Variants in AHI1 observed in about 807,000 individuals in gnomAD.
The protein encoded by AHI1 is jouberin.
In AHI1, 123 loss-of-function variants were observed where a neutral mutation model predicts 149.3. The ratio of observed to expected loss-of-function variants is 0.82; its 90% confidence interval spans 0.71 to 0.96. The LOEUF (loss-of-function observed/expected upper bound fraction) is 0.96, where lower values mean the gene tolerates loss of function less well. Among genes scored for constraint, AHI1 ranks in the 40% least tolerant of loss-of-function variants. AHI1 has a pLI of 0.00. For missense variants in AHI1, 1,439 were observed against 1,422.7 expected (o/e 1.01, Z -0.18); for synonymous variants, 475 against 459.8 (o/e 1.03, Z -0.42).
chr6:135,333,355 T>C (rs1236668517), intron 24 of AHI1, among the ~76,000 whole-genome samples: 2 of 152,218 alleles, frequency 1.3e-5, no homozygotes, highest in Non-Finnish European at 2.9e-5. Context: ...ACACTAGGAC[T>C]ATATTTTATT....
At chr6:135,300,705 A>G (rs2128351248) in intron 26 of AHI1, 147 bp from the exon 27 acceptor site, 1 of 1,386,112 alleles carries the variant, frequency 7.2e-7, no homozygotes, top group Middle Eastern at 1.9e-4. Context: ...TGTCCTGAAC[A>G]TATATTGTCT....
intron 20 of AHI1, among the ~76,000 whole-genome samples, chr6:135,424,133 G>A (rs1476998348): frequency 6.6e-6 from 1 of 151,894 alleles, no homozygotes; most frequent in African/African-American, 2.4e-5. Flanking sequence ...TTAGAAACTA[G>A]TATTTCAAGA....
chr6:135,417,889 T>G (rs1360175352), intron 20 of AHI1, among the ~76,000 whole-genome samples: 2 of 152,066 alleles, frequency 1.3e-5, no homozygotes, highest in Admixed American at 1.3e-4. Flanking sequence ...TCAGACTATA[T>G]AGATTTCATT....
At chr6:135,309,846 T>C (rs1056706456) in intron 26 of AHI1, among the ~76,000 whole-genome samples, 11 of 152,270 alleles carry the variant, frequency 7.2e-5, no homozygotes, top group African/African-American at 2.4e-4. Context: ...ATCCTTGATA[T>C]ATACAAAGTT....
chr6:135,341,544 G>A (rs145649780), intron 24 of AHI1, among the ~76,000 whole-genome samples: 8 of 152,048 alleles, frequency 5.3e-5, no homozygotes, highest in African/African-American at 1.9e-4. Flanking sequence ...CTTGTCCACA[G>A]AACATTCTCT....
At chr6:135,324,542 T>TTATATATA (rs890509105) in intron 24 of AHI1, among the ~76,000 whole-genome samples, 2 of 103,496 alleles carry the variant, frequency 1.9e-5, no homozygotes, top group African/African-American at 9.3e-5. Context: ...ACATATATAG[T>TTATATATA]TATATATACA....
intron 5 of AHI1, 118 bp from the exon 6 acceptor site, chr6:135,467,752 T>G (rs1380929582): frequency 1.6e-6 from 1 of 628,854 alleles, no homozygotes; most frequent in East Asian, 2.9e-5. Flanking sequence ...TTTTTTTACC[T>G]GGACATAGTG....
At chr6:135,380,871 A>G (rs1369153837) in intron 23 of AHI1, among the ~76,000 whole-genome samples, 5 of 152,026 alleles carry the variant, frequency 3.3e-5, no homozygotes, top group African/African-American at 1.2e-4. Context: ...TCTTTCCATA[A>G]AAGAGACATT....
rs370392354 is a variant in AHI1, at chr6:135,465,834, G to A, written c.729C>T (p.Val243=). The A allele has an allele frequency of 5.0e-5, 74 of 1,478,510 alleles. No homozygotes were observed. The African/African-American group carries it at 9.2e-4, about 18-fold the overall frequency. The allele number at this position is 1,478,510 out of a possible 1,614,324, so 91.6% of individuals were successfully genotyped here. A position where few individuals can be genotyped will look rare whatever the true frequency, so the allele number is the denominator to read the frequency against. The part of the protein sequence containing the change: ...EKRKKKKEVP[V]FSKAETSTLT... ...AATACCTTGTTTCAGCTTTAGAGAA[G>A]ACTGGAACTTCCTTTTTCTTTTTCC... Residue 243 remains valine, a synonymous_variant, in exon 7 of 29, where the codon GTC becomes GTT. Coordinates refer to ENST00000265602, the MANE Select transcript of AHI1 (RefSeq NM_001134831.2).
chr6:135,471,090 A>G (rs1426764843), intron 5 of AHI1, among the ~76,000 whole-genome samples: 1 of 152,188 alleles, frequency 6.6e-6, no homozygotes, highest in Non-Finnish European at 1.5e-5. Flanking sequence ...ATATATACAA[A>G]TTGTGAGGAT....
At chr6:135,419,137 TA>T (rs1782791161) in intron 20 of AHI1, among the ~76,000 whole-genome samples, 1 of 152,024 alleles carries the variant, frequency 6.6e-6, no homozygotes, top group South Asian at 2.1e-4. Flanking sequence ...TTTGAAGTAT[TA>T]CTAATAAAAC....
chr6:135,285,476 A>G lies in AHI1; in HGVS notation c.*169T>C. 1.4e-6 allele frequency: 1 copy of G among 723,766 alleles called. No homozygotes were observed. Among genetic ancestry groups the G allele is most frequent in the South Asian group, 1.7e-5 (1 of 59,072 alleles). The allele number at this position is 723,766 out of a possible 1,614,324, so 44.8% of individuals were successfully genotyped here. A position where few individuals can be genotyped will look rare whatever the true frequency, so the allele number is the denominator to read the frequency against. ...ACTCAAAGGCCACGTTGATTTTTCC[A>G]CCCACAACTTGATTCTGATTTTTCT... On this transcript the variant is annotated 3_prime_UTR_variant, in exon 29 of 29. Coordinates refer to ENST00000265602, the MANE Select transcript of AHI1 (RefSeq NM_001134831.2).
intron 24 of AHI1, among the ~76,000 whole-genome samples, chr6:135,337,770 G>GAAAA (rs59397034): frequency 5.0e-5 from 6 of 121,014 alleles, no homozygotes; most frequent in African/African-American, 1.8e-4. Flanking sequence ...GTCTCAAAAA[G>GAAAA]AAAAAAAAAA....
At chr6:135,448,007 A>G (rs1356596244) in intron 12 of AHI1, among the ~76,000 whole-genome samples, 1 of 152,220 alleles carries the variant, frequency 6.6e-6, no homozygotes, top group Non-Finnish European at 1.5e-5. Flanking sequence ...GGCCCTTTAC[A>G]GAAACTATTT....
intron 24 of AHI1, among the ~76,000 whole-genome samples, chr6:135,340,667 A>ATATG (rs1790198396): frequency 1.7e-5 from 2 of 115,770 alleles, no homozygotes; most frequent in African/African-American, 4.1e-5. Flanking sequence ...ACATATATAT[A>ATATG]TATATATATA....
Position 135,411,480 on chromosome 6 carries a change from G to T in AHI1, c.2829C>A (p.His943Gln). The change falls in exon 21 of 29, where the codon CAC becomes CAA. Residue 943 changes from histidine (H) to glutamine (Q), a missense_variant. Physicochemically the swap from His to Gln is conservative, Grantham distance 24. Coordinates refer to ENST00000265602, the MANE Select transcript of AHI1 (RefSeq NM_001134831.2). ...AGGTACATAGGGCATCTTGACTTTG[G>T]TGTATTCCAGGTAATGGAAATGTTC... ...YNGTFPLPGI[H>Q]QSQDALCTCP... is the part of the protein sequence containing the mutation. The T allele has an allele frequency of 6.2e-7, 1 of 1,613,032 alleles. No homozygotes were observed. Among genetic ancestry groups the T allele is most frequent in the Admixed American group, 1.7e-5 (1 of 59,946 alleles).
intron 24 of AHI1, among the ~76,000 whole-genome samples, chr6:135,356,643 A>C (rs1281122508): frequency 6.6e-6 from 1 of 152,162 alleles, no homozygotes; most frequent in Non-Finnish European, 1.5e-5. Context: ...TAAAATAATA[A>C]ATTTTTCTTA....
intron 26 of AHI1, among the ~76,000 whole-genome samples, chr6:135,312,827 T>G (rs1299078705): frequency 6.6e-6 from 1 of 152,208 alleles, no homozygotes; most frequent in Admixed American, 6.5e-5. Context: ...TTCTCTAAGG[T>G]CCTTTCCATG....
chr6:135,316,245 T>C lies in AHI1; in HGVS notation c.3426+2274A>G, dbSNP rs552196491. 2.6e-5 allele frequency among the ~76,000 whole-genome samples: 4 copies of C among 152,306 alleles called. No homozygotes were observed. In the South Asian group the frequency reaches 8.3e-4, roughly 32 times the overall value. ...TCTGTCTTCAACCTGAACCTGTCTA[T>C]TGGCTTTGTCTCCTTAATATATAAT... On this transcript the variant is annotated intron_variant, in intron 26 of 28. Coordinates refer to ENST00000265602, the MANE Select transcript of AHI1 (RefSeq NM_001134831.2).
Sources: gnomAD v4.1 joint callset for allele counts (sites outside exome capture counted in the v4.1 genomes callset) on GRCh38, gnomAD v4.1.1 for gene constraint, MANE v1.5 for transcripts, NCBI Gene and HGNC (gene_info 2026-07-23, HGNC 2026-07-21) for gene names.